The following HHAT variants were observed in gnomAD, a reference collection of about 807,000 sequenced individuals.
HHAT encodes the protein protein-cysteine N-palmitoyltransferase HHAT.
A neutral mutation model predicts 70.8 loss-of-function variants in HHAT; 47 were observed. The observed-to-expected ratio is 0.66, with a 90% CI of 0.53 to 0.85. The LOEUF (loss-of-function observed/expected upper bound fraction) is 0.85. Among genes scored for constraint, HHAT ranks in the 40% least tolerant of loss-of-function variants. HHAT has a pLI of 0.00. For synonymous variants in HHAT, 228 were observed against 247.6 expected, an observed-to-expected ratio of 0.92 and a Z score of 0.74; for missense variants, 609 against 604.8, an observed-to-expected ratio of 1.01 and a Z score of -0.07.
At chr1:210,459,119 A>G (rs2093928193) in intron 7 of HHAT, among the ~76,000 whole-genome samples, 1 of 152,194 alleles carries the variant, frequency 6.6e-6, no homozygotes, top group Admixed American at 6.5e-5. Context: ...AATTAACTAC[A>G]CATTTAGTAA....
chr1:210,328,380 T>C (rs1177051580), upstream of HHAT: 1 of 152,230 alleles, frequency 6.6e-6, no homozygotes, highest in Non-Finnish European at 1.5e-5. Flanking sequence ...GCAGTAGTGA[T>C]CTCTGTAAGT....
At position 210,511,795 on chromosome 1, in the gene HHAT, T is replaced by TTC. The variant is rs1350659467; in HGVS notation, c.1008-1357_1008-1356insCT. ...GCCGCCTGGTCTTTTTTTTTTTTTT[T>TTC]TTTTTTTTTTTTGAGATGGAGTCTC... is the stretch of plus-strand genomic sequence containing the variant. On this transcript the variant is annotated intron_variant, in intron 8 of 11. Transcript: ENST00000261458. Among the ~76,000 whole-genome samples the TTC allele has an allele frequency of 1.4e-4, 11 of 80,654 alleles. No individual in the cohort carries two copies. In the East Asian group the frequency reaches 1.5e-3, roughly 11 times the overall value. The allele number at this position is 80,654 out of a possible 152,430, so 52.9% of individuals were successfully genotyped here.
At chr1:210,374,159 T>G (rs1397584493) in intron 3 of HHAT, 1 of 152,190 alleles carries the variant, frequency 6.6e-6, no homozygotes, top group African/African-American at 2.4e-5. Context: ...ATGATCTGCC[T>G]CCCCAGGGCA....
intron 11 of HHAT, among the ~76,000 whole-genome samples, chr1:210,668,517 T>G (rs776021978): frequency 3.9e-5 from 6 of 152,222 alleles, no homozygotes; most frequent in Non-Finnish European, 7.3e-5. Flanking sequence ...CTCTCTTGCC[T>G]GCCACCATGT....
intron 8 of HHAT, among the ~76,000 whole-genome samples, chr1:210,482,947 C>G (rs2094419659): frequency 6.6e-6 from 1 of 152,188 alleles, no homozygotes; most frequent in Non-Finnish European, 1.5e-5. Context: ...ATCTCAGCTT[C>G]TGTCTTGGAT....
chr1:210,536,056 A>G (rs1399715544), intron 9 of HHAT, among the ~76,000 whole-genome samples: 5 of 152,200 alleles, frequency 3.3e-5, no homozygotes, highest in Non-Finnish European at 7.4e-5. Flanking sequence ...TTAGAGTGCT[A>G]ATGACCAACT....
At chr1:210,343,850 A>G (rs1008208118) in intron 1 of HHAT, among the ~76,000 whole-genome samples, 6 of 152,174 alleles carry the variant, frequency 3.9e-5, no homozygotes, top group African/African-American at 1.4e-4. Context: ...TCAGGGAGAA[A>G]ATCAGGGTCA....
At position 210,493,024 on chromosome 1, in the gene HHAT, G is replaced by A. The variant is rs535303453; in HGVS notation, c.1008-20129G>A. On this transcript the variant is annotated intron_variant, in intron 8 of 11. Transcript: ENST00000261458. ...TCATTTTTCTACTAATGCCTTCAAA[G>A]TTTACAAAATATCAGCAGTTGAAAG... 9.9e-4 allele frequency among the ~76,000 whole-genome samples: 151 copies of A among 152,024 alleles called. 1 individual carries two copies. Among genetic ancestry groups the A allele is most frequent in the African/African-American group, 3.5e-3 (144 of 41,442 alleles).
At chr1:210,641,376 T>C (rs1427375593) in intron 11 of HHAT, among the ~76,000 whole-genome samples, 1 of 152,216 alleles carries the variant, frequency 6.6e-6, no homozygotes, top group Non-Finnish European at 1.5e-5. Context: ...TCCCTTTTAG[T>C]TGTAATCCCC....
chr1:210,498,187 A>G (rs1399559094), intron 8 of HHAT, among the ~76,000 whole-genome samples: 1 of 152,182 alleles, frequency 6.6e-6, no homozygotes, highest in East Asian at 1.9e-4. Flanking sequence ...TACATTTTTT[A>G]TTCTCTTGCA....
rs1378045329 is a variant in HHAT at position 210,437,926 on chromosome 1, G to A, written c.856+19601G>A. Among the ~76,000 whole-genome samples the A allele has an allele frequency of 4.0e-5, 6 of 151,870 alleles. 1 individual carries two copies. The highest frequency in any genetic ancestry group is 1.3e-4 in the Admixed American group (2 of 15,264). On this transcript the variant is annotated intron_variant, in intron 7 of 11. Coordinates refer to ENST00000261458, the MANE Select transcript of HHAT (RefSeq NM_018194.6). ...CCACTTGAAATTCCACCCACTGTGA[G>A]GCTTTTTCCTTGTTTGCTGTCCTTT...
Position 210,464,615 on chromosome 1 carries a change from C to T in HHAT, c.967C>T (p.Arg323Cys), listed in dbSNP as rs146916002. The change falls in exon 8 of 12, where the codon CGC (arginine) becomes TGC (cysteine). Residue 323 changes from arginine to cysteine, a missense_variant. Arg to Cys is a radical substitution (Grantham distance 180). Coordinates refer to ENST00000261458, the MANE Select transcript of HHAT (RefSeq NM_018194.6). ...TGGACTCACTCCACCCGCCCTCCCC[C>T]GCTGCGTGAGCACCATGTTCAGTTT... ...LDGLTPPALPRCVSTMFSFTG... is the reference protein window; with the variant it reads ...LDGLTPPALPCCVSTMFSFTG... 249 of 1,614,106 alleles carry T rather than the reference C, an allele frequency of 1.5e-4. 1 individual carries two copies. The highest frequency in any genetic ancestry group is 1.9e-4 in the Non-Finnish European group (224 of 1,180,034).
chr1:210,552,395 T>C (rs186095798), intron 9 of HHAT, among the ~76,000 whole-genome samples: 2 of 152,352 alleles, frequency 1.3e-5, no homozygotes, highest in South Asian at 2.1e-4. Context: ...CTCTGGCCTG[T>C]GCCTTGTGCC....
At chr1:210,423,419 G>T (rs1181047074) in intron 7 of HHAT, among the ~76,000 whole-genome samples, 1 of 152,018 alleles carries the variant, frequency 6.6e-6, no homozygotes, top group Non-Finnish European at 1.5e-5. Flanking sequence ...TGTTTAGTTT[G>T]CTGTTGAGAT....
chr1:210,532,288 A>G (rs904396422), intron 9 of HHAT, among the ~76,000 whole-genome samples: 3 of 152,276 alleles, frequency 2.0e-5, no homozygotes, highest in East Asian at 3.9e-4. Context: ...ACACAGGCCA[A>G]TTTTTCAGTT....
intron 11 of HHAT, among the ~76,000 whole-genome samples, chr1:210,647,071 C>T (rs1351747040): frequency 6.6e-6 from 1 of 152,176 alleles, no homozygotes; most frequent in East Asian, 1.9e-4. Context: ...AATTTATTCT[C>T]TCCCAGTTCT....
intron 8 of HHAT, among the ~76,000 whole-genome samples, chr1:210,468,071 T>C (rs992191695): frequency 2.6e-5 from 4 of 152,194 alleles, no homozygotes; most frequent in Non-Finnish European, 5.9e-5. Context: ...AATCTTCTTT[T>C]TCATATAATT....
chr1:210,482,732 T>A (rs1200947941), intron 8 of HHAT, among the ~76,000 whole-genome samples: 2 of 152,216 alleles, frequency 1.3e-5, no homozygotes, highest in African/African-American at 4.8e-5. Context: ...TAATGCATTA[T>A]TAAAGGCATG....
chr1:210,370,930 C>G lies in HHAT; in HGVS notation c.159+8011C>G, dbSNP rs150095454. ...CACCTGGCTGCAGATCCTATTTTTA[C>G]GTTAGGCAGAGAGCTACAATTCCTA... On this transcript the variant is annotated intron_variant, in intron 3 of 11. Transcript: ENST00000261458. Among the ~76,000 whole-genome samples the G allele has an allele frequency of 9.6e-3, 1,463 of 152,080 alleles. 9 individuals carry two copies. The highest frequency in any genetic ancestry group is 0.014 in the Non-Finnish European group (930 of 67,978).
Sources: gnomAD v4.1 joint callset for allele counts (sites outside exome capture counted in the v4.1 genomes callset) on GRCh38, gnomAD v4.1.1 for gene constraint, MANE v1.5 for transcripts, NCBI Gene and HGNC (gene_info 2026-07-23, HGNC 2026-07-21) for gene names.